The following RBM25 variants were observed in gnomAD, a reference collection of about 807,000 sequenced individuals.
The protein encoded by RBM25 is RNA binding motif protein 25, also known as RNA-binding protein 25.
In RBM25, 19 loss-of-function variants were observed where a neutral mutation model predicts 120.7. That is an observed-to-expected ratio of 0.16 (90% CI 0.11 to 0.23). The LOEUF (loss-of-function observed/expected upper bound fraction) is 0.23, where lower values mean the gene tolerates loss of function less well. Ranked by LOEUF, RBM25 falls within the 10% of genes least tolerant of loss-of-function variation. RBM25 has a pLI of 1.00. For synonymous variants in RBM25, 390 were observed against 326.7 expected (o/e 1.19, Z -2.09); for missense variants, 605 against 1,041.5 (o/e 0.58, Z 5.77).
At chr14:73,081,390 G>A (rs528165791) in intron 4 of RBM25, among the ~76,000 whole-genome samples, 32 of 152,290 alleles carry the variant, frequency 2.1e-4, no homozygotes, top group African/African-American at 7.5e-4. Flanking sequence ...CACCCACCTT[G>A]GCTTCCCAAA....
chr14:73,063,881 C>T (rs942206303), intron 1 of RBM25, among the ~76,000 whole-genome samples: 3 of 151,504 alleles, frequency 2.0e-5, no homozygotes, highest in African/African-American at 7.3e-5. Flanking sequence ...TAGCCCTACA[C>T]TCTACTCATA....
chr14:73,110,991 G>A lies in RBM25; in HGVS notation c.1853G>A (p.Arg618Lys). ...AAGCCTTGTCTGAAACCTACTCTGA[G>A]GCCCATCAGCTCTGCTCCATCTGTT... Reference protein sequence around the residue: ...EQKPCLKPTLRPISSAPSVSS... With the variant: ...EQKPCLKPTLKPISSAPSVSS... The change falls in exon 15 of 19, where the codon AGG becomes AAG. Residue 618 changes from arginine to lysine, a missense_variant. Arg to Lys is a conservative substitution (Grantham distance 26). Coordinates refer to ENST00000261973, the MANE Select transcript of RBM25 (RefSeq NM_021239.3). The A allele has an allele frequency of 6.2e-7, 1 of 1,613,966 alleles. No individual in the cohort carries two copies. Among genetic ancestry groups the A allele is most frequent in the Non-Finnish European group, 8.5e-7 (1 of 1,179,942 alleles).
intron 1 of RBM25, among the ~76,000 whole-genome samples, chr14:73,063,914 TTTC>T (rs905813869): frequency 1.3e-5 from 2 of 151,504 alleles, no homozygotes; most frequent in African/African-American, 4.8e-5. Context: ...TATTTCTGAT[TTTC>T]TTCATTTATT....
intron 14 of RBM25, 92 bp from the exon 15 acceptor site, chr14:73,110,739 T>A: frequency 6.8e-7 from 1 of 1,465,656 alleles, no homozygotes; most frequent in Non-Finnish European, 9.1e-7. Flanking sequence ...TTTTCTCTTT[T>A]CATAAAGATA....
At chr14:73,089,338 G>A (rs1325305145) in intron 6 of RBM25, among the ~76,000 whole-genome samples, 1 of 152,036 alleles carries the variant, frequency 6.6e-6, no homozygotes, top group Non-Finnish European at 1.5e-5. Context: ...ACATTTTTCT[G>A]TGTATGAATG....
chr14:73,105,509 T>G (rs1896166217), intron 10 of RBM25, among the ~76,000 whole-genome samples: 1 of 152,236 alleles, frequency 6.6e-6, no homozygotes, highest in East Asian at 1.9e-4. Context: ...GGAATTAAGT[T>G]TTCCTTTTTT....
At position 73,115,318 on chromosome 14, in the gene RBM25, C is replaced by G. The variant is rs139787632; in HGVS notation, c.2439+985C>G. Among the ~76,000 whole-genome samples the G allele has an allele frequency of 5.8e-3, 885 of 152,266 alleles. 25 individuals carry two copies. The highest frequency in any genetic ancestry group is 0.049 in the Admixed American group (743 of 15,278). The stretch of plus-strand genomic sequence containing the variant: ...TTAGTTATTTTTCCTGATCCTCTCC[C>G]TCCTCCCACCCTCTGCCCTACGATA... On this transcript the variant is annotated intron_variant, in intron 18 of 18. Transcript: ENST00000261973.
chr14:73,095,439 A>G (rs186334155), intron 6 of RBM25, among the ~76,000 whole-genome samples: 16 of 151,680 alleles, frequency 1.1e-4, no homozygotes, highest in Admixed American at 7.2e-4. Flanking sequence ...CCCCATCTCT[A>G]CTAAAAATAC....
chr14:73,120,493 T>G lies in RBM25; in HGVS notation c.*688T>G. The G allele has an allele frequency of 6.5e-6, 1 of 152,756 alleles. No homozygotes were observed. 9.5% of individuals were successfully genotyped at this position (152,756 alleles called of 1,614,324 possible). On this transcript the variant is annotated 3_prime_UTR_variant, in exon 19 of 19. Transcript: ENST00000261973. The stretch of plus-strand genomic sequence containing the variant: ...AGGTTATTAGTTTCCCAGAGCATGG[T>G]GTTCTCGTGTCGTGAGCAATGTGGT...
chr14:73,059,331 T>C (rs1232388732), intron 1 of RBM25: 2 of 152,186 alleles, frequency 1.3e-5, no homozygotes, highest in Non-Finnish European at 2.9e-5. Flanking sequence ...CCATCCTGCC[T>C]CTTTTGCGCA....
chr14:73,083,061 CAG>C (rs1179955511), intron 4 of RBM25, among the ~76,000 whole-genome samples: 1 of 152,130 alleles, frequency 6.6e-6, no homozygotes, highest in Admixed American at 6.6e-5. Flanking sequence ...GCCTGGGTGA[CAG>C]AGCGAGACTC....
In RBM25 at chr14:73,114,293, C is replaced by T; in HGVS notation, c.2399C>T (p.Ala800Val). Residue 800 changes from alanine (A) to valine (V), a missense_variant, in exon 18 of 19, where the codon GCT (alanine) becomes GTT (valine). This residue lies in a region of RBM25 where 23 missense variants were observed against 83.2 expected (regional missense o/e 0.28). Transcript: ENST00000261973. The part of the protein sequence containing the change: ...LVDFVCSKVM[A>V]HSSPQSILDD... The stretch of plus-strand genomic sequence containing the variant: ...ATTATTTTTCTCTTTTAGGTTATGG[C>T]TCATAGTTCACCCCAGAGCATTTTA... The T allele has an allele frequency of 6.4e-7, 1 of 1,561,094 alleles. No homozygotes were observed. Among genetic ancestry groups the T allele is most frequent in the Non-Finnish European group, 8.7e-7 (1 of 1,151,312 alleles).
At chr14:73,083,677 C>CT (rs1012920783) in intron 5 of RBM25, 126 bp downstream of exon 5, 2 of 576,570 alleles carry the variant, frequency 3.5e-6, no homozygotes, top group Non-Finnish European at 5.4e-6. Context: ...TCTTTGTCCT[C>CT]TTTTTTATTG....
At chr14:73,089,401 C>T (rs1488289240) in intron 6 of RBM25, among the ~76,000 whole-genome samples, 2 of 152,132 alleles carry the variant, frequency 1.3e-5, no homozygotes, top group African/African-American at 4.8e-5. Context: ...GTCGTTCAGG[C>T]TAGAGTGCAG....
intron 1 of RBM25, among the ~76,000 whole-genome samples, chr14:73,065,336 C>T (rs989236658): frequency 2.0e-5 from 3 of 152,056 alleles, no homozygotes; most frequent in East Asian, 3.8e-4. Context: ...CCATGTTGGC[C>T]GGGCTGGTCT....
At chr14:73,100,362 T>C in intron 9 of RBM25, 1 of 664,914 alleles carries the variant, frequency 1.5e-6, no homozygotes, top group Non-Finnish European at 2.8e-6. Context: ...AGGAATAGGA[T>C]GTAAGTATGA....
At chr14:73,087,576 T>A (rs1023133209) in intron 5 of RBM25, among the ~76,000 whole-genome samples, 1 of 151,132 alleles carries the variant, frequency 6.6e-6, no homozygotes, top group Admixed American at 6.6e-5. Flanking sequence ...TTTGTATTTT[T>A]AGTAGAGACG....
rs772439110 is a variant in RBM25 at position 73,097,063 on chromosome 14, C to T, written c.692C>T (p.Ser231Phe). 1 of 1,612,684 alleles carries T rather than the reference C, an allele frequency of 6.2e-7. No individual in the cohort carries two copies. Among genetic ancestry groups the T allele is most frequent in the Non-Finnish European group, 8.5e-7 (1 of 1,179,710 alleles). The change falls in exon 7 of 19, where the codon TCT (serine) becomes TTT (phenylalanine). Residue 231 changes from serine to phenylalanine, a missense_variant. By Grantham distance (155) the Ser-to-Phe change is radical. Transcript: ENST00000261973. ...AATGCCCCCTCACAGGAATCTGATT[C>T]TCACCCCAGGAAGAAGAAGAAGGAA... ...ELNAPSQESD[S>F]HPRKKKKEKK...
chr14:73,088,640 G>A (rs1895742004), intron 6 of RBM25, among the ~76,000 whole-genome samples: 1 of 152,128 alleles, frequency 6.6e-6, no homozygotes, highest in African/African-American at 2.4e-5. Flanking sequence ...GTTGTATATT[G>A]TATTTTAATG....
Sources: allele counts gnomAD v4.1 joint callset (sites outside exome capture counted in the v4.1 genomes callset), GRCh38; gene constraint gnomAD v4.1.1; regional missense constraint gnomAD v4.1.1; transcripts MANE v1.5; gene names NCBI Gene and HGNC (gene_info 2026-07-23, HGNC 2026-07-21).